Variants in MALRD1 observed in about 807,000 individuals in gnomAD.
MALRD1 encodes MAM and LDL receptor class A domain containing 1.
A neutral mutation model predicts 242.1 loss-of-function variants in MALRD1; 247 were observed. The ratio of observed to expected loss-of-function variants is 1.02; its 90% confidence interval spans 0.92 to 1.13. The LOEUF (loss-of-function observed/expected upper bound fraction) is 1.13, where lower values mean the gene tolerates loss of function less well. Among genes scored for constraint, MALRD1 ranks in the 50% most tolerant of loss-of-function variants. The pLI is 0.00. For synonymous variants in MALRD1, 995 were observed against 866.6 expected (o/e 1.15, Z -2.60); for missense variants, 2,989 against 2,533.1 (o/e 1.18, Z -3.86).
chr10:19,429,140 A>G (rs1049482250), intron 28 of MALRD1, among the ~76,000 whole-genome samples: 2 of 152,232 alleles, frequency 1.3e-5, no homozygotes, highest in African/African-American at 4.8e-5. Context: ...AAAGGCTTGC[A>G]TTAAGGGACT....
chr10:19,354,855 A>C (rs769109053), intron 26 of MALRD1, among the ~76,000 whole-genome samples: 7 of 152,148 alleles, frequency 4.6e-5, no homozygotes, highest in Non-Finnish European at 8.8e-5. Flanking sequence ...AAAATATTAC[A>C]TGCCCCCTAT....
At chr10:19,048,700 A>G, upstream of MALRD1, 1 of 325,414 alleles carries the variant, frequency 3.1e-6, no homozygotes, top group Non-Finnish European at 5.6e-6. Flanking sequence ...ATAATCATCT[A>G]TAGTTAGCTA....
chr10:19,468,477 ATCT>A (rs1430810566), intron 29 of MALRD1, among the ~76,000 whole-genome samples: 1 of 152,168 alleles, frequency 6.6e-6, no homozygotes, highest in Non-Finnish European at 1.5e-5. Context: ...ATATTTCTAG[ATCT>A]TCTTTAGTGT....
chr10:19,549,918 G>A (rs1403996968), intron 32 of MALRD1, among the ~76,000 whole-genome samples: 1 of 152,168 alleles, frequency 6.6e-6, no homozygotes, highest in Non-Finnish European at 1.5e-5. Flanking sequence ...GTTAAACATT[G>A]GGGGAAAGTT....
chr10:19,215,519 C>A (rs1285547259), intron 18 of MALRD1, among the ~76,000 whole-genome samples: 1 of 152,124 alleles, frequency 6.6e-6, no homozygotes, highest in African/African-American at 2.4e-5. Flanking sequence ...CTACTGATTT[C>A]TTTGGTGCAT....
chr10:19,074,919 A>G (rs563182731), intron 2 of MALRD1, among the ~76,000 whole-genome samples: 2 of 151,664 alleles, frequency 1.3e-5, no homozygotes, highest in South Asian at 4.2e-4. Flanking sequence ...TAAATATACA[A>G]ATTTCAAAAG....
intron 28 of MALRD1, among the ~76,000 whole-genome samples, chr10:19,391,973 A>G (rs1191443428): frequency 1.3e-5 from 2 of 152,236 alleles, no homozygotes; most frequent in Non-Finnish European, 2.9e-5. Context: ...TGTGCATTAC[A>G]TGCATGACGT....
chr10:19,154,430 G>A (rs1043335598), intron 11 of MALRD1, among the ~76,000 whole-genome samples: 36 of 152,276 alleles, frequency 2.4e-4, no homozygotes, highest in Non-Finnish European at 2.9e-5. Flanking sequence ...ACATTGTTGG[G>A]TATAGCCTTC....
intron 38 of MALRD1, 68 bp downstream of exon 38, chr10:19,692,622 T>G: frequency 7.8e-7 from 1 of 1,274,368 alleles, no homozygotes. Flanking sequence ...ACATTTCCTT[T>G]GCTATTTTTT....
rs556608455 is a variant in MALRD1 at position 19,182,681 on chromosome 10, G to A, written c.1951+7353G>A. On this transcript the variant is annotated intron_variant, in intron 14 of 39. Coordinates refer to ENST00000454679, the MANE Select transcript of MALRD1 (RefSeq NM_001142308.3). The stretch of plus-strand genomic sequence containing the variant: ...CGTATAGCCTTTCTATCCTTTTAAG[G>A]TCATCATTATATTGAGAATGATGTT... 3.3e-4 allele frequency among the ~76,000 whole-genome samples: 50 copies of A among 151,976 alleles called. 1 individual carries two copies. In the South Asian group the frequency reaches 9.1e-3, roughly 28 times the overall value.
chr10:19,478,312 T>C (rs1358234581), intron 29 of MALRD1, among the ~76,000 whole-genome samples: 1 of 152,186 alleles, frequency 6.6e-6, no homozygotes, highest in Non-Finnish European at 1.5e-5. Flanking sequence ...CCTGCTTCCT[T>C]TTGCCATTCC....
chr10:19,095,892 C>T (rs186811761), intron 4 of MALRD1, among the ~76,000 whole-genome samples: 35 of 152,218 alleles, frequency 2.3e-4, no homozygotes, highest in South Asian at 1.5e-3. Flanking sequence ...ATTGAGTAGA[C>T]GCTGAAGGAT....
At chr10:19,327,383 G>A (rs1206494575) in intron 22 of MALRD1, among the ~76,000 whole-genome samples, 180 bp from the exon 23 acceptor site, 1 of 151,834 alleles carries the variant, frequency 6.6e-6, no homozygotes, top group Non-Finnish European at 1.5e-5. Flanking sequence ...TGTGAGGTAC[G>A]CTAGGGGCAC....
intron 21 of MALRD1, among the ~76,000 whole-genome samples, chr10:19,310,265 T>C (rs1164763943): frequency 2.0e-5 from 3 of 151,530 alleles, no homozygotes; most frequent in Non-Finnish European, 3.0e-5. Flanking sequence ...CTGATTTAAG[T>C]AGGGCATGAT....
Position 19,726,723 on chromosome 10 carries a change from A to C in MALRD1, c.6315-3983A>C, listed in dbSNP as rs576567848. Among the ~76,000 whole-genome samples the C allele has an allele frequency of 2.3e-3, 354 of 152,366 alleles. 2 individuals carry two copies. Among genetic ancestry groups the C allele is most frequent in the African/African-American group, 8.3e-3 (344 of 41,584 alleles). ...ATTTCCATCAACAGGTGAATGAATA[A>C]ACAAAATGTGACATATACATGCAAG... On this transcript the variant is annotated intron_variant, in intron 38 of 39. Coordinates refer to ENST00000454679, the MANE Select transcript of MALRD1 (RefSeq NM_001142308.3).
At chr10:19,053,567 T>C (rs1259993142) in intron 1 of MALRD1, among the ~76,000 whole-genome samples, 2 of 152,206 alleles carry the variant, frequency 1.3e-5, no homozygotes, top group East Asian at 3.9e-4. Flanking sequence ...TATACAGAAT[T>C]AAAAGCAGTT....
chr10:19,234,767 A>G (rs1838231905), intron 18 of MALRD1, among the ~76,000 whole-genome samples: 1 of 152,134 alleles, frequency 6.6e-6, no homozygotes, highest in Non-Finnish European at 1.5e-5. Flanking sequence ...CATTGTCCTC[A>G]TGGAGTTTAT....
At chr10:19,135,735 C>T (rs1833312600) in intron 9 of MALRD1, among the ~76,000 whole-genome samples, 1 of 152,124 alleles carries the variant, frequency 6.6e-6, no homozygotes, top group Admixed American at 6.5e-5. Context: ...CTCTGTAGCT[C>T]ATGGCTAATG....
chr10:19,121,032 C>A (rs2131374522), intron 5 of MALRD1, among the ~76,000 whole-genome samples: 1 of 148,088 alleles, frequency 6.8e-6, no homozygotes, highest in African/African-American at 2.5e-5. Flanking sequence ...GCGTGAGCCA[C>A]TGTGCCCGGC....
Sources: gnomAD v4.1 joint callset for allele counts (sites outside exome capture counted in the v4.1 genomes callset) on GRCh38, gnomAD v4.1.1 for gene constraint, MANE v1.5 for transcripts, NCBI Gene and HGNC (gene_info 2026-07-23, HGNC 2026-07-21) for gene names.